Variants in SNX29 observed in about 807,000 individuals in gnomAD.
The protein encoded by SNX29 is sorting nexin 29, also known as sorting nexin-29.
In SNX29, 78 loss-of-function variants were observed where a neutral mutation model predicts 102.1. The ratio of observed to expected loss-of-function variants is 0.76; its 90% CI spans 0.64 to 0.92. The LOEUF (loss-of-function observed/expected upper bound fraction) is 0.92. Ranked by LOEUF, SNX29 falls within the 40% of genes least tolerant of loss-of-function variation. SNX29 has a pLI of 0.00. For synonymous variants in SNX29, 580 were observed against 414.5 expected, an observed-to-expected ratio of 1.40 and a Z score of -4.85; for missense variants, 1,280 against 1,061.7, an observed-to-expected ratio of 1.21 and a Z score of -2.86.
intron 11 of SNX29, among the ~76,000 whole-genome samples, chr16:12,112,028 C>G (rs377375542): frequency 6.6e-6 from 1 of 152,196 alleles, no homozygotes; most frequent in South Asian, 2.1e-4. Context: ...GCAGAGGATG[C>G]ACACAGAGGT....
chr16:12,518,243 A>G (rs534481991), intron 19 of SNX29, among the ~76,000 whole-genome samples: 1 of 152,022 alleles, frequency 6.6e-6, no homozygotes, highest in Non-Finnish European at 1.5e-5. Context: ...CAGATCAGCT[A>G]CCTGATGCCT....
At chr16:11,991,710 T>C (rs13330835) in intron 1 of SNX29, among the ~76,000 whole-genome samples, 14,190 of 115,880 alleles carry the variant, frequency 0.12, 1,400 homozygotes, top group African/African-American at 0.31. Flanking sequence ...CTGAGGCTAA[T>C]CTTTTTTTTT....
intron 18 of SNX29, among the ~76,000 whole-genome samples, chr16:12,428,402 AAAAT>A (rs1230267887): frequency 3.3e-5 from 5 of 152,208 alleles, no homozygotes; most frequent in Non-Finnish European, 5.9e-5. Flanking sequence ...AGTTTCTTAA[AAAAT>A]AAATAAATAA....
chr16:12,521,819 C>G (rs2090112252), intron 19 of SNX29, among the ~76,000 whole-genome samples: 1 of 152,228 alleles, frequency 6.6e-6, no homozygotes. Context: ...AGCAGAGGCT[C>G]CAGCTTGGGT....
At chr16:12,291,126 C>G (rs1157704791) in intron 15 of SNX29, among the ~76,000 whole-genome samples, 2 of 152,162 alleles carry the variant, frequency 1.3e-5, no homozygotes, top group African/African-American at 2.4e-5. Flanking sequence ...CTGTTTCTCT[C>G]TCTTTAGTGC....
rs117305739 is a variant in SNX29 at position 12,346,246 on chromosome 16, G to A, written c.1783-9917G>A. On this transcript the variant is annotated intron_variant, in intron 15 of 20. Transcript: ENST00000566228. Reference sequence around the variant, plus strand: ...GAGGAGCGGGGACAGACCTTGGAGAGATGAAGGATGTAGATTCTACAGGAC... The same window carrying A: ...GAGGAGCGGGGACAGACCTTGGAGAAATGAAGGATGTAGATTCTACAGGAC... 3.2e-3 allele frequency among the ~76,000 whole-genome samples: 491 copies of A among 152,262 alleles called. 1 individual carries two copies. The highest frequency in any genetic ancestry group is 5.6e-3 in the Non-Finnish European group (378 of 68,020).
At chr16:12,091,367 T>C (rs2052534366) in intron 11 of SNX29, among the ~76,000 whole-genome samples, 1 of 152,168 alleles carries the variant, frequency 6.6e-6, no homozygotes, top group African/African-American at 2.4e-5. Flanking sequence ...TGAATGTTTG[T>C]GTGCCCCTAA....
intron 20 of SNX29, among the ~76,000 whole-genome samples, chr16:12,532,923 G>A (rs549962016): frequency 1.5e-4 from 23 of 152,244 alleles, no homozygotes; most frequent in Admixed American, 3.9e-4. Context: ...ACAGCAGGCC[G>A]TCCTCCTCTG....
At chr16:12,519,944 A>G (rs1334019747) in intron 19 of SNX29, among the ~76,000 whole-genome samples, 1 of 152,252 alleles carries the variant, frequency 6.6e-6, no homozygotes, top group Non-Finnish European at 1.5e-5. Context: ...GGATTGCACC[A>G]CTGCACTCCA....
intron 13 of SNX29, among the ~76,000 whole-genome samples, chr16:12,144,690 G>T (rs534110309): frequency 6.6e-6 from 1 of 152,340 alleles, no homozygotes; most frequent in East Asian, 1.9e-4. Flanking sequence ...TTCGGTTATA[G>T]CAGCACAAAA....
chr16:12,489,235 A>G (rs2088412419), intron 19 of SNX29, among the ~76,000 whole-genome samples: 2 of 152,158 alleles, frequency 1.3e-5, no homozygotes, highest in African/African-American at 4.8e-5. Flanking sequence ...AAACACAAAA[A>G]ACAAATTGAG....
intron 15 of SNX29, among the ~76,000 whole-genome samples, chr16:12,345,660 G>A (rs1322037878): frequency 6.6e-6 from 1 of 152,210 alleles, no homozygotes; most frequent in South Asian, 2.1e-4. Context: ...GATCGAAGGC[G>A]TTGGGCAAGG....
At chr16:12,347,867 C>A (rs904574318) in intron 15 of SNX29, among the ~76,000 whole-genome samples, 2 of 145,202 alleles carry the variant, frequency 1.4e-5, no homozygotes. Flanking sequence ...TCCTTGAGTC[C>A]AGGAGTTCAA....
chr16:12,261,208 C>A (rs1344525763), intron 14 of SNX29, among the ~76,000 whole-genome samples: 1 of 140,568 alleles, frequency 7.1e-6, no homozygotes, highest in Non-Finnish European at 1.5e-5. Flanking sequence ...GTGCGTGCGT[C>A]CCTGGCTGGA....
chr16:12,535,766 C>T (rs994495849), intron 20 of SNX29, among the ~76,000 whole-genome samples: 1 of 151,910 alleles, frequency 6.6e-6, no homozygotes, highest in African/African-American at 2.4e-5. Context: ...TGTGTGTCTC[C>T]TCTGGAGGTC....
chr16:12,547,716 A>T (rs904523978), intron 20 of SNX29, among the ~76,000 whole-genome samples: 4 of 152,110 alleles, frequency 2.6e-5, no homozygotes, highest in African/African-American at 7.2e-5. Context: ...TCTGCATAGC[A>T]TGGCACCCAT....
intron 19 of SNX29, among the ~76,000 whole-genome samples, chr16:12,519,274 G>A (rs1307150613): frequency 2.0e-5 from 3 of 152,164 alleles, no homozygotes; most frequent in Non-Finnish European, 4.4e-5. Context: ...GTGGCACCAT[G>A]TCCCCCAAAA....
At chr16:12,322,170 G>A (rs906227472) in intron 15 of SNX29, among the ~76,000 whole-genome samples, 11 of 152,178 alleles carry the variant, frequency 7.2e-5, no homozygotes, top group African/African-American at 2.4e-4. Flanking sequence ...GTCCTAAGCA[G>A]GGGACCTAGG....
At chr16:12,338,886 T>C (rs1249235134) in intron 15 of SNX29, among the ~76,000 whole-genome samples, 1 of 152,072 alleles carries the variant, frequency 6.6e-6, no homozygotes, top group African/African-American at 2.4e-5. Flanking sequence ...TGGCCCAAAA[T>C]CATAACAGTG....
Sources: allele counts gnomAD v4.1 joint callset (sites outside exome capture counted in the v4.1 genomes callset), GRCh38; gene constraint gnomAD v4.1.1; transcripts MANE v1.5; gene names NCBI Gene and HGNC (gene_info 2026-07-23, HGNC 2026-07-21).